Variants in POLR3G observed in about 807,000 individuals in gnomAD.
POLR3G encodes RNA polymerase III subunit G, also known as DNA-directed RNA polymerase III subunit RPC7.
A neutral mutation model predicts 30.1 loss-of-function variants in POLR3G; 28 were observed. That is an observed-to-expected ratio of 0.93 (90% CI 0.69 to 1.27). The LOEUF is 1.27. Among genes scored for constraint, POLR3G ranks in the 50% most tolerant of loss-of-function variants. The pLI is 0.00. For synonymous variants in POLR3G, 79 were observed against 82.5 expected (o/e 0.96, Z 0.23); for missense variants, 254 against 264.6 (o/e 0.96, Z 0.28).
chr5:90,511,422 A>G (rs1368588560), intron 7 of POLR3G, among the ~76,000 whole-genome samples: 1 of 152,192 alleles, frequency 6.6e-6, no homozygotes, highest in Non-Finnish European at 1.5e-5. Flanking sequence ...TCCAAAGTGG[A>G]TTTTTGATTG....
At position 90,506,685 on chromosome 5, in the gene POLR3G, AT is replaced by A; in HGVS notation, c.585+14del. 6.3e-7 allele frequency: 1 copy of A among 1,589,844 alleles called. No individual in the cohort carries two copies. On this transcript the variant is annotated intron_variant, in intron 7 of 7. Coordinates refer to ENST00000651687, the MANE Select transcript of POLR3G (RefSeq NM_006467.3). ...GAAGAGCAAGAAGAGGTAATGGTTC[AT>A]TTGGGGATGGTAGCAAAATTAATAA...
At chr5:90,485,872 A>G (rs1258993029) in intron 2 of POLR3G, among the ~76,000 whole-genome samples, 188 bp downstream of exon 2, 1 of 152,216 alleles carries the variant, frequency 6.6e-6, no homozygotes. Context: ...ACAAAACTGT[A>G]TACATCTTTC....
intron 7 of POLR3G, among the ~76,000 whole-genome samples, chr5:90,508,348 G>A (rs1426111443): frequency 6.6e-6 from 1 of 151,154 alleles, no homozygotes; most frequent in East Asian, 1.9e-4. Flanking sequence ...TTTAATCAAG[G>A]GAGGAAATCC....
intron 1 of POLR3G, among the ~76,000 whole-genome samples, chr5:90,479,314 A>T (rs1414616323): frequency 6.6e-6 from 1 of 152,124 alleles, no homozygotes; most frequent in African/African-American, 2.4e-5. Flanking sequence ...CTTTACTAAA[A>T]ATACAAAAAT....
chr5:90,478,938 T>A lies in POLR3G; in HGVS notation c.-44+3918T>A, dbSNP rs573736980. 9.9e-5 allele frequency among the ~76,000 whole-genome samples: 15 copies of A among 152,132 alleles called. No individual in the cohort carries two copies. The South Asian group carries it at 2.1e-3, about 21-fold the overall frequency. On this transcript the variant is annotated intron_variant, in intron 1 of 7. Coordinates refer to ENST00000651687, the MANE Select transcript of POLR3G (RefSeq NM_006467.3). ...TCTGATTTTATTGTTCTGGGGTGAATCCTGGGTTTTCTTTTCTTTAAAACC... is the reference window on the plus strand; with the variant it reads ...TCTGATTTTATTGTTCTGGGGTGAAACCTGGGTTTTCTTTTCTTTAAAACC...
intron 7 of POLR3G, among the ~76,000 whole-genome samples, chr5:90,510,871 A>G (rs1200442037): frequency 2.1e-5 from 3 of 145,630 alleles, no homozygotes; most frequent in Admixed American, 6.9e-5. Flanking sequence ...CCAGATTTAA[A>G]AAAAAAAAAA....
chr5:90,481,200 C>T (rs1352136033), intron 1 of POLR3G, among the ~76,000 whole-genome samples: 1 of 151,956 alleles, frequency 6.6e-6, no homozygotes, highest in Admixed American at 6.6e-5. Context: ...CTGATGGACA[C>T]TTTATACTTA....
intron 1 of POLR3G, among the ~76,000 whole-genome samples, chr5:90,479,328 C>T (rs909223673): frequency 1.3e-5 from 2 of 152,084 alleles, no homozygotes; most frequent in African/African-American, 4.8e-5. Context: ...CAAAAATTAG[C>T]CGGGCTTGGT....
At chr5:90,479,492 A>G (rs896530761) in intron 1 of POLR3G, among the ~76,000 whole-genome samples, 2 of 152,086 alleles carry the variant, frequency 1.3e-5, no homozygotes, top group African/African-American at 4.8e-5. Flanking sequence ...CAAACAAACA[A>G]CAAACGAAAA....
intron 1 of POLR3G, among the ~76,000 whole-genome samples, chr5:90,477,293 G>A (rs972664092): frequency 6.6e-6 from 1 of 152,206 alleles, no homozygotes. Flanking sequence ...CACAGCGTGG[G>A]GTGCCTGTGG....
intron 6 of POLR3G, among the ~76,000 whole-genome samples, chr5:90,506,061 C>T (rs140136649): frequency 6.6e-6 from 1 of 151,882 alleles, no homozygotes; most frequent in African/African-American, 2.4e-5. Context: ...ATGGAGAAAC[C>T]CTGTCTCTAC....
intron 6 of POLR3G, 148 bp from the exon 7 acceptor site, chr5:90,506,380 T>G (rs1752484783): frequency 5.5e-6 from 6 of 1,092,132 alleles, no homozygotes; most frequent in Non-Finnish European, 6.3e-6. Context: ...CTTTCTTGAG[T>G]TGACTCATAG....
rs749343369 is a variant in POLR3G at position 90,495,748 on chromosome 5, C to T, written c.304+15C>T. The T allele has an allele frequency of 8.2e-6, 13 of 1,581,254 alleles. No homozygotes were observed. In the Admixed American group the frequency reaches 1.7e-4, roughly 20 times the overall value. On this transcript the variant is annotated intron_variant, in intron 4 of 7. Transcript: ENST00000651687. Reference sequence around the variant, plus strand: ...ATGGATACCAGGTAACTACAAAACACACAATATGAAAACAGTTTTTAAAGG... The same window carrying T: ...ATGGATACCAGGTAACTACAAAACATACAATATGAAAACAGTTTTTAAAGG...
At chr5:90,489,472 A>G (rs1751613673) in intron 3 of POLR3G, among the ~76,000 whole-genome samples, 1 of 151,698 alleles carries the variant, frequency 6.6e-6, no homozygotes, top group Admixed American at 6.6e-5. Flanking sequence ...CATGTTGGCT[A>G]GGCTGGTCTT....
intron 3 of POLR3G, among the ~76,000 whole-genome samples, chr5:90,493,376 A>G (rs1278226035): frequency 6.6e-6 from 1 of 151,864 alleles, no homozygotes; most frequent in Non-Finnish European, 1.5e-5. Flanking sequence ...CCTCCCAAGT[A>G]GCTGGAACCA....
chr5:90,501,075 A>T (rs1752224206), intron 5 of POLR3G, among the ~76,000 whole-genome samples: 2 of 152,110 alleles, frequency 1.3e-5, no homozygotes, highest in South Asian at 4.1e-4. Flanking sequence ...ATTTTATTTC[A>T]CTTACATGCT....
intron 1 of POLR3G, among the ~76,000 whole-genome samples, chr5:90,485,130 T>TTTAAAGTC (rs1751370155): frequency 6.6e-6 from 1 of 152,216 alleles, no homozygotes; most frequent in Non-Finnish European, 1.5e-5. Context: ...AGATAAATCA[T>TTTAAAGTC]TTAAAGTCTT....
intron 5 of POLR3G, among the ~76,000 whole-genome samples, chr5:90,499,313 GGGA>G (rs1362633635): frequency 6.6e-6 from 1 of 152,158 alleles, no homozygotes; most frequent in East Asian, 1.9e-4. Context: ...GAAAGAGAGA[GGGA>G]GGAGGAGAAC....
chr5:90,492,531 A>G (rs1042550514), intron 3 of POLR3G, among the ~76,000 whole-genome samples: 2 of 152,178 alleles, frequency 1.3e-5, no homozygotes, highest in East Asian at 3.8e-4. Context: ...TTAATAATGA[A>G]AATATTTTGC....
Sources: allele counts gnomAD v4.1 joint callset (sites outside exome capture counted in the v4.1 genomes callset), GRCh38; gene constraint gnomAD v4.1.1; transcripts MANE v1.5; gene names NCBI Gene and HGNC (gene_info 2026-07-23, HGNC 2026-07-21).